PRKCQ: variants seen among roughly 807,000 people sequenced by gnomAD.
The protein encoded by PRKCQ is protein kinase C theta.
In PRKCQ, 41 loss-of-function variants were observed where a neutral mutation model predicts 91.2. The ratio of observed to expected loss-of-function variants is 0.45; its 90% confidence interval spans 0.35 to 0.58. The LOEUF (loss-of-function observed/expected upper bound fraction) is 0.58. PRKCQ is among the 20% of genes least tolerant of loss of function. The pLI, the probability that PRKCQ is intolerant of heterozygous loss-of-function variation, is 0.00. For missense variants in PRKCQ, 673 were observed against 896.5 expected, an observed-to-expected ratio of 0.75 and a Z score of 3.18; for synonymous variants, 307 against 316.9, an observed-to-expected ratio of 0.97 and a Z score of 0.33.
intron 7 of PRKCQ, among the ~76,000 whole-genome samples, chr10:6,495,389 C>T (rs1034739479): frequency 6.6e-6 from 1 of 152,302 alleles, no homozygotes; most frequent in East Asian, 1.9e-4. Flanking sequence ...ACACATTGGA[C>T]TCTCCCTCAG....
the PRKCQ span, among the ~76,000 whole-genome samples, chr10:6,397,019 C>G: frequency 6.6e-6 from 1 of 152,192 alleles, no homozygotes; most frequent in East Asian, 1.9e-4. Context: ...TTGCATTTCT[C>G]TAATGACTAA....
chr10:6,502,913 G>A (rs1837997383), intron 4 of PRKCQ, among the ~76,000 whole-genome samples: 2 of 152,216 alleles, frequency 1.3e-5, no homozygotes, highest in South Asian at 4.1e-4. Flanking sequence ...CCCTTAAAAT[G>A]TGTAAGTACA....
intron 4 of PRKCQ, among the ~76,000 whole-genome samples, chr10:6,498,825 G>C (rs1208315882): frequency 6.6e-6 from 1 of 152,156 alleles, no homozygotes; most frequent in Non-Finnish European, 1.5e-5. Flanking sequence ...CTCTTTGACT[G>C]GGCTGAGCGA....
intron 15 of PRKCQ, among the ~76,000 whole-genome samples, chr10:6,455,258 G>C (rs529432725): frequency 1.0e-3 from 158 of 152,314 alleles, no homozygotes; most frequent in Middle Eastern, 3.4e-3. Context: ...AATGAAAATG[G>C]TTTATAGCAT....
At chr10:6,456,929 C>A in intron 14 of PRKCQ, 117 bp from the exon 15 acceptor site, 1 of 1,049,492 alleles carries the variant, frequency 9.5e-7, no homozygotes, top group Admixed American at 2.2e-5. Flanking sequence ...TCACGAGAGG[C>A]GCTTATGTAT....
At chr10:6,397,315 G>A in the PRKCQ span, among the ~76,000 whole-genome samples, 4 of 152,094 alleles carry the variant, frequency 2.6e-5, no homozygotes, top group Non-Finnish European at 4.4e-5. Flanking sequence ...AGCTGGTCTC[G>A]AACTCCTGAC....
the PRKCQ span, among the ~76,000 whole-genome samples, chr10:6,408,989 T>A: frequency 6.6e-6 from 1 of 152,246 alleles, no homozygotes; most frequent in Non-Finnish European, 1.5e-5. Context: ...TACACTTTGA[T>A]CAGCAGGGGA....
the PRKCQ span, among the ~76,000 whole-genome samples, chr10:6,417,232 G>A: frequency 6.6e-6 from 1 of 152,198 alleles, no homozygotes; most frequent in Non-Finnish European, 1.5e-5. Flanking sequence ...TCTAGTTTCT[G>A]TTGGGTGGAT....
chr10:6,467,209 C>T (rs898793617), intron 12 of PRKCQ, among the ~76,000 whole-genome samples: 2 of 151,852 alleles, frequency 1.3e-5, no homozygotes, highest in African/African-American at 2.4e-5. Flanking sequence ...CGATGGCTCT[C>T]GAAAGAAAGA....
Position 6,456,828 on chromosome 10 carries a change from G to A in PRKCQ, c.1509-16C>T. 1 of 1,613,084 alleles carries A rather than the reference G, an allele frequency of 6.2e-7. No individual in the cohort carries two copies. On this transcript the variant is annotated splice_polypyrimidine_tract_variant and intron_variant, in intron 14 of 17. Coordinates refer to ENST00000263125, the MANE Select transcript of PRKCQ (RefSeq NM_006257.5). ...CTTCAGGTCCCTGAAAAACAAAAGT[G>A]AAGCAAATCTCACATTAATCAATAT...
At chr10:6,521,356 G>T (rs1382984195) in intron 1 of PRKCQ, among the ~76,000 whole-genome samples, 1 of 152,126 alleles carries the variant, frequency 6.6e-6, no homozygotes, top group Non-Finnish European at 1.5e-5. Flanking sequence ...AATTACAGAG[G>T]GAGTCAAGAG....
At chr10:6,403,282 C>A in the PRKCQ span, among the ~76,000 whole-genome samples, 5 of 152,228 alleles carry the variant, frequency 3.3e-5, no homozygotes, top group Non-Finnish European at 7.3e-5. Context: ...GTGTGGCAAA[C>A]ACTAAGGAGT....
chr10:6,565,311 T>C (rs556476452), intron 1 of PRKCQ, among the ~76,000 whole-genome samples: 6 of 152,220 alleles, frequency 3.9e-5, no homozygotes, highest in Non-Finnish European at 8.8e-5. Context: ...AAAAGTGACT[T>C]TATTTTATTT....
At chr10:6,536,990 G>A (rs2130909808) in intron 1 of PRKCQ, among the ~76,000 whole-genome samples, 1 of 152,186 alleles carries the variant, frequency 6.6e-6, no homozygotes, top group South Asian at 2.1e-4. Context: ...CCCAAGCCAG[G>A]GGCTCAGAGT....
chr10:6,449,656 G>A (rs1834537697), intron 15 of PRKCQ, among the ~76,000 whole-genome samples: 1 of 151,932 alleles, frequency 6.6e-6, no homozygotes, highest in Admixed American at 6.6e-5. Context: ...TTGAAATGAA[G>A]GAAAAAATGT....
chr10:6,420,136 G>A, the PRKCQ span, among the ~76,000 whole-genome samples: 29 of 152,060 alleles, frequency 1.9e-4, no homozygotes, highest in African/African-American at 5.8e-4. Context: ...TTATAGGTGC[G>A]CACTACCACA....
chr10:6,437,059 G>A (rs576505501), intron 16 of PRKCQ, among the ~76,000 whole-genome samples: 131 of 152,316 alleles, frequency 8.6e-4, no homozygotes, highest in African/African-American at 3.1e-3. Flanking sequence ...GACAGCCCCT[G>A]AGTCTGGAGG....
intron 8 of PRKCQ, among the ~76,000 whole-genome samples, chr10:6,486,723 G>T (rs889639580): frequency 2.0e-5 from 3 of 152,294 alleles, no homozygotes; most frequent in Admixed American, 1.3e-4. Context: ...CCCCACTTTG[G>T]GGCTCACCTG....
At chr10:6,419,263 G>A in the PRKCQ span, among the ~76,000 whole-genome samples, 29 of 151,866 alleles carry the variant, frequency 1.9e-4, no homozygotes, top group Non-Finnish European at 2.9e-4. Flanking sequence ...ATGTGTATAC[G>A]TGTGTGTACG....
Sources: allele counts gnomAD v4.1 joint callset (sites outside exome capture counted in the v4.1 genomes callset), GRCh38; gene constraint gnomAD v4.1.1; transcripts MANE v1.5; gene names NCBI Gene and HGNC (gene_info 2026-07-23, HGNC 2026-07-21).